Variants in ANKRD30A observed in about 807,000 individuals in gnomAD.
ANKRD30A encodes ankyrin repeat domain 30A, also known as ankyrin repeat domain-containing protein 30A.
ANKRD30A carries 170 observed loss-of-function variants against 166.3 expected under a neutral mutation model. That is an observed-to-expected ratio of 1.02 (90% CI 0.90 to 1.16). The LOEUF (loss-of-function observed/expected upper bound fraction) is 1.16, where lower values mean the gene tolerates loss of function less well. Among genes scored for constraint, ANKRD30A ranks in the 50% most tolerant of loss-of-function variants. The pLI is 0.00. For missense variants in ANKRD30A, 1,630 were observed against 1,518.0 expected, an observed-to-expected ratio of 1.07 and a Z score of -1.23; for synonymous variants, 564 against 508.9, an observed-to-expected ratio of 1.11 and a Z score of -1.46.
intron 31 of ANKRD30A, among the ~76,000 whole-genome samples, chr10:37,203,891 G>A (rs972165821): frequency 3.3e-5 from 5 of 152,134 alleles, no homozygotes; most frequent in Admixed American, 3.3e-4. Flanking sequence ...ATTCACAATT[G>A]CTTCAAAGAG....
chr10:37,218,950 C>T, intron 33 of ANKRD30A, 30 bp from the exon 34 acceptor site: 1 of 1,409,882 alleles, frequency 7.1e-7, no homozygotes. Flanking sequence ...TTATTGAGTG[C>T]TAGCTAAAAG....
intron 12 of ANKRD30A, among the ~76,000 whole-genome samples, chr10:37,152,956 AT>A (rs1036484131): frequency 1.3e-5 from 2 of 152,030 alleles, no homozygotes; most frequent in African/African-American, 4.8e-5. Flanking sequence ...ATGTGACGTA[AT>A]TTTTTTCTTA....
chr10:37,208,387 T>C (rs1185981706), intron 31 of ANKRD30A, among the ~76,000 whole-genome samples: 1 of 152,134 alleles, frequency 6.6e-6, no homozygotes, highest in African/African-American at 2.4e-5. Flanking sequence ...GACTTGCCGA[T>C]AACCTGAGGT....
downstream of ANKRD30A, among the ~76,000 whole-genome samples, chr10:37,236,101 A>T (rs1843664475): frequency 6.6e-6 from 1 of 152,008 alleles, no homozygotes; most frequent in Admixed American, 6.6e-5. Flanking sequence ...TCCTATTGTT[A>T]ACATGGGGGT....
At chr10:37,210,431 A>T (rs894163757) in intron 31 of ANKRD30A, among the ~76,000 whole-genome samples, 2 of 152,118 alleles carry the variant, frequency 1.3e-5, no homozygotes, top group African/African-American at 4.8e-5. Flanking sequence ...AAACCTATGT[A>T]TGCATGTGTC....
At chr10:37,183,875 G>A (rs1272381051) in intron 24 of ANKRD30A, among the ~76,000 whole-genome samples, 1 of 148,666 alleles carries the variant, frequency 6.7e-6, no homozygotes, top group Non-Finnish European at 1.5e-5. Flanking sequence ...GTGACCGGGT[G>A]CGGTGGCTCA....
intron 15 of ANKRD30A, among the ~76,000 whole-genome samples, chr10:37,160,208 A>G (rs1482656442): frequency 6.6e-6 from 1 of 152,212 alleles, no homozygotes; most frequent in Non-Finnish European, 1.5e-5. Context: ...AGCTGATATC[A>G]CAGAGCTTTT....
chr10:37,223,949 T>G (rs1588956426), intron 34 of ANKRD30A, among the ~76,000 whole-genome samples: 1 of 151,252 alleles, frequency 6.6e-6, no homozygotes, highest in African/African-American at 2.4e-5. Flanking sequence ...TTTCAATATT[T>G]TAGAACTTTA....
the ANKRD30A span, among the ~76,000 whole-genome samples, chr10:37,247,124 T>C: frequency 6.6e-6 from 1 of 152,214 alleles, no homozygotes; most frequent in East Asian, 1.9e-4. Context: ...TGAAATACAA[T>C]GAGTGCTCTT....
chr10:37,161,993 T>A (rs1838929615), intron 15 of ANKRD30A, among the ~76,000 whole-genome samples: 1 of 152,224 alleles, frequency 6.6e-6, no homozygotes, highest in South Asian at 2.1e-4. Context: ...AATAAATTTT[T>A]ATATAAATAT....
intron 34 of ANKRD30A, among the ~76,000 whole-genome samples, chr10:37,220,397 C>T (rs1489248027): frequency 6.6e-6 from 1 of 151,054 alleles, no homozygotes; most frequent in African/African-American, 2.4e-5. Flanking sequence ...GTATACATTT[C>T]TGCGTCTTGT....
chr10:37,249,775 G>T, the ANKRD30A span, among the ~76,000 whole-genome samples: 1 of 152,186 alleles, frequency 6.6e-6, no homozygotes, highest in East Asian at 1.9e-4. Flanking sequence ...AAACTAAATT[G>T]TAAAGGCTTT....
intron 15 of ANKRD30A, among the ~76,000 whole-genome samples, chr10:37,160,094 A>G (rs1838737370): frequency 6.6e-6 from 1 of 152,178 alleles, no homozygotes; most frequent in African/African-American, 2.4e-5. Flanking sequence ...ACCCAATACA[A>G]TTAGCTCTGC....
intron 6 of ANKRD30A, among the ~76,000 whole-genome samples, chr10:37,139,534 A>C (rs1836956197): frequency 6.6e-6 from 1 of 152,248 alleles, no homozygotes; most frequent in Non-Finnish European, 1.5e-5. Flanking sequence ...CTTCCTTTGT[A>C]TCCACTTTAA....
At chr10:37,167,301 T>G (rs1839432258) in intron 19 of ANKRD30A, among the ~76,000 whole-genome samples, 1 of 143,056 alleles carries the variant, frequency 7.0e-6, no homozygotes, top group Admixed American at 6.8e-5. Flanking sequence ...TATATATATA[T>G]AGATGTGTGC....
intron 5 of ANKRD30A, chr10:37,135,234 T>C (rs1836609789): frequency 1.3e-5 from 2 of 152,210 alleles, no homozygotes; most frequent in African/African-American, 4.8e-5. Context: ...AAAGTAGGGA[T>C]TTGTGCTGGC....
At chr10:37,132,624 G>A (rs1159055463) in intron 4 of ANKRD30A, among the ~76,000 whole-genome samples, 1 of 152,130 alleles carries the variant, frequency 6.6e-6, no homozygotes, top group Non-Finnish European at 1.5e-5. Context: ...TAAGAAGTAT[G>A]AACTTTTTTA....
chr10:37,165,288 G>A (rs1316873368), intron 18 of ANKRD30A, 133 bp downstream of exon 18: 5 of 826,476 alleles, frequency 6.0e-6, no homozygotes, highest in Admixed American at 5.5e-5. Flanking sequence ...TTCAGTATAT[G>A]CTTAATGGAG....
At chr10:37,151,866 G>A (rs1837963738) in intron 11 of ANKRD30A, among the ~76,000 whole-genome samples, 194 bp from the exon 12 acceptor site, 2 of 152,012 alleles carry the variant, frequency 1.3e-5, no homozygotes, top group Non-Finnish European at 2.9e-5. Flanking sequence ...ATGAAATAAT[G>A]TTAATTTTCA....
Sources: gnomAD v4.1 joint callset for allele counts (sites outside exome capture counted in the v4.1 genomes callset) on GRCh38, gnomAD v4.1.1 for gene constraint, MANE v1.5 for transcripts, NCBI Gene and HGNC (gene_info 2026-07-23, HGNC 2026-07-21) for gene names.